RBFOX1: variants seen among roughly 807,000 people sequenced by gnomAD.
RBFOX1 encodes RNA binding fox-1 homolog 1.
Under a neutral mutation model 57.7 loss-of-function variants are expected in RBFOX1, and 8 were observed. The observed-to-expected ratio is 0.14, with a 90% CI of 0.08 to 0.25. RBFOX1 has a LOEUF of 0.25. Among genes scored for constraint, RBFOX1 ranks in the 10% least tolerant of loss-of-function variants. RBFOX1 has a pLI of 1.00. For synonymous variants in RBFOX1, 326 were observed against 222.4 expected, an observed-to-expected ratio of 1.47 and a Z score of -4.15; for missense variants, 611 against 548.5, an observed-to-expected ratio of 1.11 and a Z score of -1.14.
chr16:6,670,645 C>T (rs2098758253), intron 3 of RBFOX1, among the ~76,000 whole-genome samples: 1 of 152,084 alleles, frequency 6.6e-6, no homozygotes, highest in African/African-American at 2.4e-5. Flanking sequence ...TAAAATTAGC[C>T]AGGTTAACAT....
At chr16:7,637,792 G>T (rs1354851369) in intron 11 of RBFOX1, among the ~76,000 whole-genome samples, 1 of 152,044 alleles carries the variant, frequency 6.6e-6, no homozygotes, top group African/African-American at 2.4e-5. Context: ...ACTAGCTCCG[G>T]GACTAGGGTA....
At chr16:5,359,135 G>A (rs1460293219) in intron 1 of RBFOX1, among the ~76,000 whole-genome samples, 1 of 152,200 alleles carries the variant, frequency 6.6e-6, no homozygotes, top group East Asian at 1.9e-4. Flanking sequence ...TTTTGCAAAT[G>A]TCAGGACCTC....
intron 1 of RBFOX1, among the ~76,000 whole-genome samples, chr16:6,210,825 T>C (rs1454534600): frequency 6.6e-6 from 1 of 152,220 alleles, no homozygotes; most frequent in Non-Finnish European, 1.5e-5. Context: ...GGGCACAGAC[T>C]TGTCAGCTCC....
chr16:7,163,874 G>A (rs2078899501), intron 4 of RBFOX1, among the ~76,000 whole-genome samples: 1 of 152,018 alleles, frequency 6.6e-6, no homozygotes, highest in African/African-American at 2.4e-5. Flanking sequence ...TGGCCAGGCT[G>A]GTATCGAACT....
intron 3 of RBFOX1, among the ~76,000 whole-genome samples, chr16:5,700,051 T>G (rs151327168): frequency 5.9e-5 from 9 of 152,086 alleles, no homozygotes; most frequent in Non-Finnish European, 1.0e-4. Flanking sequence ...CCAGGATGGT[T>G]TCGATCTCCT....
intron 4 of RBFOX1, among the ~76,000 whole-genome samples, chr16:7,112,238 T>C (rs893571685): frequency 6.6e-6 from 1 of 152,194 alleles, no homozygotes; most frequent in East Asian, 1.9e-4. Flanking sequence ...AGATGGGGTC[T>C]GTCTTCCAGG....
intron 2 of RBFOX1, among the ~76,000 whole-genome samples, chr16:6,646,525 TTTCGTTAG>T (rs1208294060): frequency 6.6e-6 from 1 of 152,122 alleles, no homozygotes; most frequent in Non-Finnish European, 1.5e-5. Flanking sequence ...GGTTTATTGA[TTTCGTTAG>T]TTCGTTGATT....
chr16:5,593,090 C>G (rs2047063272), intron 2 of RBFOX1, among the ~76,000 whole-genome samples: 1 of 152,082 alleles, frequency 6.6e-6, no homozygotes, highest in Admixed American at 6.6e-5. Flanking sequence ...TGGAACCAAC[C>G]CAAATATCCA....
intron 1 of RBFOX1, among the ~76,000 whole-genome samples, chr16:5,415,516 A>C (rs576089472): frequency 3.3e-5 from 5 of 152,258 alleles, no homozygotes; most frequent in South Asian, 4.2e-4. Flanking sequence ...CAGGGATCCA[A>C]CTCCAGGACC....
chr16:5,933,155 A>G (rs931702344), intron 4 of RBFOX1, among the ~76,000 whole-genome samples: 1 of 152,208 alleles, frequency 6.6e-6, no homozygotes, highest in African/African-American at 2.4e-5. Context: ...GCTGGAGCTG[A>G]TAGAAATAAT....
chr16:6,093,701 A>T (rs1243597986), intron 1 of RBFOX1, among the ~76,000 whole-genome samples: 2 of 152,006 alleles, frequency 1.3e-5, no homozygotes, highest in Non-Finnish European at 2.9e-5. Flanking sequence ...AGCTCCCTGC[A>T]GCCTTAACCT....
chr16:5,619,839 C>T (rs1039443426), intron 3 of RBFOX1, among the ~76,000 whole-genome samples: 20 of 152,144 alleles, frequency 1.3e-4, no homozygotes, highest in African/African-American at 4.6e-4. Flanking sequence ...CTGGGCAGGT[C>T]CCCTGGGGAC....
intron 1 of RBFOX1, among the ~76,000 whole-genome samples, chr16:6,243,647 C>T (rs986664725): frequency 6.6e-6 from 1 of 152,184 alleles, no homozygotes; most frequent in Admixed American, 6.5e-5. Flanking sequence ...GTAACCCGGG[C>T]CTGTCTCATC....
chr16:7,184,395 G>C (rs769879461), intron 4 of RBFOX1, among the ~76,000 whole-genome samples: 12 of 152,212 alleles, frequency 7.9e-5, no homozygotes, highest in Non-Finnish European at 1.8e-4. Context: ...TAGAAGTCTA[G>C]GGGATACATG....
intron 3 of RBFOX1, among the ~76,000 whole-genome samples, chr16:5,771,413 T>G (rs2053972033): frequency 6.6e-6 from 1 of 152,196 alleles, no homozygotes; most frequent in Admixed American, 6.5e-5. Context: ...TGTTTTGTTT[T>G]GTTTTGTTTT....
intron 4 of RBFOX1, among the ~76,000 whole-genome samples, chr16:7,362,298 TC>T (rs565516372): frequency 0.015 from 589 of 40,522 alleles, 5 homozygotes; most frequent in African/African-American, 0.065. Context: ...TGTATGTTTT[TC>T]GTGTGTTTGC....
chr16:7,139,891 G>C (rs557973819), intron 4 of RBFOX1, among the ~76,000 whole-genome samples: 99 of 152,206 alleles, frequency 6.5e-4, no homozygotes, highest in Non-Finnish European at 1.2e-3. Flanking sequence ...GGGTGAGCTT[G>C]TAAAATGTTG....
At chr16:5,774,634 G>A (rs2054087515) in intron 3 of RBFOX1, among the ~76,000 whole-genome samples, 1 of 152,146 alleles carries the variant, frequency 6.6e-6, no homozygotes, top group Non-Finnish European at 1.5e-5. Context: ...CTGTGTAACA[G>A]GGCTTTGGGA....
At chr16:6,497,579 A>C (rs1555505065) in intron 2 of RBFOX1, among the ~76,000 whole-genome samples, 1 of 148,812 alleles carries the variant, frequency 6.7e-6, no homozygotes, top group East Asian at 2.0e-4. Context: ...AAAAAAAAAC[A>C]GAGTTTTGCT....
Sources: allele counts gnomAD v4.1 joint callset (sites outside exome capture counted in the v4.1 genomes callset), GRCh38; gene constraint gnomAD v4.1.1; transcripts MANE v1.5; gene names NCBI Gene and HGNC (gene_info 2026-07-23, HGNC 2026-07-21).